Variants in DMD observed in about 807,000 individuals in gnomAD.
The protein encoded by DMD is dystrophin.
In DMD, 63 loss-of-function variants were observed where a neutral mutation model predicts 330.1. The observed-to-expected ratio is 0.19, with a 90% CI of 0.16 to 0.24. DMD has a LOEUF of 0.24. Ranked by LOEUF, DMD falls within the 10% of genes least tolerant of loss-of-function variation. The pLI is 1.00. For synonymous variants in DMD, 1,223 were observed against 959.8 expected, an observed-to-expected ratio of 1.27 and a Z score of -5.07; for missense variants, 3,344 against 2,684.1, an observed-to-expected ratio of 1.25 and a Z score of -5.43.
intron 17 of DMD, among the ~76,000 whole-genome samples, chrX:32,521,677 T>C (rs1014091125): frequency 1.8e-5 from 2 of 112,452 alleles, no homozygotes; most frequent in Non-Finnish European, 3.8e-5. Context: ...AAACATTATA[T>C]GCCAAGGTTT....
At chrX:32,695,906 G>A (rs758801891) in intron 9 of DMD, among the ~76,000 whole-genome samples, 4 of 112,108 alleles carry the variant, frequency 3.6e-5, no homozygotes, top group Admixed American at 1.9e-4. Flanking sequence ...GGAAGAACCC[G>A]CTGAGTGTAG....
intron 63 of DMD, among the ~76,000 whole-genome samples, chrX:31,247,666 T>C (rs2048969292): frequency 9.1e-6 from 1 of 109,929 alleles, no homozygotes; most frequent in African/African-American, 3.3e-5. Context: ...TTGTGATTGA[T>C]AGGAGGTCGT....
chrX:31,121,989 C>T, intron 78 of DMD, 59 bp from the exon 79 acceptor site: 2 of 907,817 alleles, frequency 2.2e-6, no homozygotes, highest in African/African-American at 1.9e-5. Flanking sequence ...GATAGCATCA[C>T]TCTGTTTCTT....
intron 74 of DMD, among the ~76,000 whole-genome samples, chrX:31,154,943 CTA>C (rs1467957744): frequency 2.7e-5 from 3 of 112,130 alleles, no homozygotes; most frequent in African/African-American, 9.7e-5. Context: ...TTCTTATTCT[CTA>C]TAGAGCTAAG....
chrX:31,688,267 T>TA (rs1182324623), intron 52 of DMD, among the ~76,000 whole-genome samples: 1 of 109,426 alleles, frequency 9.1e-6, no homozygotes, highest in Non-Finnish European at 1.9e-5. Flanking sequence ...ATAGATGCAA[T>TA]AAAAAATGAT....
intron 1 of DMD, among the ~76,000 whole-genome samples, chrX:33,109,538 C>T (rs771386590): frequency 8.2e-5 from 9 of 110,204 alleles, no homozygotes; most frequent in South Asian, 3.9e-4. Context: ...TCTAAAGCTT[C>T]CTTGACCATT....
intron 60 of DMD, among the ~76,000 whole-genome samples, chrX:31,437,281 C>T (rs1173270040): frequency 1.8e-5 from 2 of 111,980 alleles, no homozygotes; most frequent in Non-Finnish European, 3.8e-5. Flanking sequence ...TGTATTCAAG[C>T]TACAGACAAT....
intron 6 of DMD, among the ~76,000 whole-genome samples, chrX:32,809,862 C>T (rs1220306125): frequency 3.2e-5 from 3 of 94,120 alleles, no homozygotes; most frequent in African/African-American, 1.2e-4. Context: ...TGGGCAGATC[C>T]TTTGAGCCCA....
At chrX:32,505,333 C>A (rs913695334) in intron 18 of DMD, among the ~76,000 whole-genome samples, 2 of 112,130 alleles carry the variant, frequency 1.8e-5, no homozygotes, top group African/African-American at 6.5e-5. Flanking sequence ...CAAAAACAAA[C>A]AAACTAAAAC....
intron 41 of DMD, among the ~76,000 whole-genome samples, chrX:32,337,671 A>T (rs1307980603): frequency 9.0e-6 from 1 of 110,607 alleles, no homozygotes; most frequent in African/African-American, 3.3e-5. Context: ...ATCTCGAATA[A>T]GTCTTGTTTT....
intron 45 of DMD, among the ~76,000 whole-genome samples, chrX:31,935,992 T>C (rs978262568): frequency 7.2e-5 from 8 of 111,215 alleles, no homozygotes; most frequent in Non-Finnish European, 1.3e-4. Flanking sequence ...GAGATTTATA[T>C]GTATTACTGG....
intron 7 of DMD, among the ~76,000 whole-genome samples, chrX:32,721,011 C>T (rs2147900187): frequency 9.0e-6 from 1 of 110,829 alleles, no homozygotes; most frequent in South Asian, 3.7e-4. Flanking sequence ...GTGTAATTTC[C>T]TTCAGGCTCA....
chrX:32,752,432 T>C (rs1226443426), intron 7 of DMD, among the ~76,000 whole-genome samples: 1 of 109,717 alleles, frequency 9.1e-6, no homozygotes, highest in Non-Finnish European at 1.9e-5. Flanking sequence ...TTTTGGACAA[T>C]TTCTCCTATT....
intron 29 of DMD, among the ~76,000 whole-genome samples, chrX:32,416,812 C>T (rs997863213): frequency 8.9e-6 from 1 of 111,772 alleles, no homozygotes; most frequent in Non-Finnish European, 1.9e-5. Flanking sequence ...TTGACAACCA[C>T]GCTTCACTTC....
chrX:32,829,373 A>C (rs1207653481), intron 4 of DMD, among the ~76,000 whole-genome samples: 1 of 111,726 alleles, frequency 9.0e-6, no homozygotes, highest in Admixed American at 9.5e-5. Flanking sequence ...TTTGTATTGT[A>C]CGAGAAAATC....
In DMD at chrX:31,888,049, T is replaced by C. The variant is rs1291269064; in HGVS notation, c.6913-12676A>G. Reference sequence around the variant, plus strand: ...GCTATGTGTGAATATCCAAGTTCACTAGCACAGTCAGAACAGGTGTTACTT... The same window carrying C: ...GCTATGTGTGAATATCCAAGTTCACCAGCACAGTCAGAACAGGTGTTACTT... On this transcript the variant is annotated intron_variant, in intron 47 of 78. Transcript: ENST00000357033. Among the ~76,000 whole-genome samples, 3 of 111,917 alleles carry C rather than the reference T, an allele frequency of 2.7e-5. No individual in the cohort carries two copies. In the Admixed American group the frequency reaches 2.8e-4, roughly 11 times the overall value.
chrX:32,785,957 T>C (rs1012292188), intron 7 of DMD, among the ~76,000 whole-genome samples: 3 of 110,611 alleles, frequency 2.7e-5, no homozygotes, highest in African/African-American at 6.6e-5. Flanking sequence ...TTTCCCCACT[T>C]CTGGCTGTCT....
chrX:33,131,587 C>T (rs7878318), intron 1 of DMD, among the ~76,000 whole-genome samples: 2,891 of 111,759 alleles, frequency 0.026, 86 homozygotes, highest in African/African-American at 0.088. Context: ...GACCATGCTC[C>T]TTCAAATCAA....
chrX:31,351,572 A>G (rs780149951), intron 60 of DMD, among the ~76,000 whole-genome samples: 30 of 108,858 alleles, frequency 2.8e-4, no homozygotes, highest in South Asian at 1.2e-3. Flanking sequence ...CTAAAAATAC[A>G]AAAATTAGCT....
Sources: allele counts gnomAD v4.1 joint callset (sites outside exome capture counted in the v4.1 genomes callset), GRCh38; gene constraint gnomAD v4.1.1; transcripts MANE v1.5; gene names NCBI Gene and HGNC (gene_info 2026-07-23, HGNC 2026-07-21).